Variants in GRHL3 observed in about 807,000 individuals in gnomAD.
GRHL3 encodes grainyhead like transcription factor 3, also known as grainyhead-like protein 3 homolog.
GRHL3 carries 20 observed loss-of-function variants against 70.3 expected under a neutral mutation model. The observed-to-expected ratio is 0.28, with a 90% CI of 0.20 to 0.41. The LOEUF is 0.41. Among genes scored for constraint, GRHL3 ranks in the 10% least tolerant of loss-of-function variants. The pLI is 1.00. For missense variants in GRHL3, 637 were observed against 762.3 expected (o/e 0.84, Z 1.94); for synonymous variants, 299 against 299.9 (o/e 1.00, Z 0.03).
At chr1:24,340,306 T>G (rs1639987851) in intron 8 of GRHL3, among the ~76,000 whole-genome samples, 1 of 152,186 alleles carries the variant, frequency 6.6e-6, no homozygotes, top group Admixed American at 6.5e-5. Context: ...ATCTCACTTC[T>G]CTGAGCCTGT....
intron 1 of GRHL3, among the ~76,000 whole-genome samples, chr1:24,326,700 C>T (rs1639414183): frequency 6.6e-6 from 1 of 152,064 alleles, no homozygotes; most frequent in Admixed American, 6.5e-5. Context: ...TGGATGCCAC[C>T]CAGGTTTATT....
chr1:24,352,105 A>C (rs1471910660), intron 15 of GRHL3, among the ~76,000 whole-genome samples: 1 of 151,886 alleles, frequency 6.6e-6, no homozygotes, highest in East Asian at 1.9e-4. Flanking sequence ...CTTCACAGGC[A>C]CCCCACACAC....
At chr1:24,329,759 A>AT (rs1287504762) in intron 1 of GRHL3, among the ~76,000 whole-genome samples, 1 of 152,202 alleles carries the variant, frequency 6.6e-6, no homozygotes, top group Non-Finnish European at 1.5e-5. Context: ...GCCCATGTAG[A>AT]AAGGGAGGCA....
chr1:24,355,946 G>C (rs1318411890), downstream of GRHL3, among the ~76,000 whole-genome samples: 3 of 150,736 alleles, frequency 2.0e-5, no homozygotes, highest in East Asian at 5.8e-4. Flanking sequence ...TGTCACCCAG[G>C]CTGGAGTGCA....
rs559468506 is a variant in GRHL3 at position 24,340,809 on chromosome 1, C to T, written c.1047+1047C>T. ...GGATTATTATTATTCAGACTGGCAC[C>T]GGGCTGGAGGAGGAGCTGGGGCCTT... On this transcript the variant is annotated intron_variant, in intron 8 of 15. Transcript: ENST00000361548. Among the ~76,000 whole-genome samples, 749 of 152,170 alleles carry T rather than the reference C, an allele frequency of 4.9e-3. 7 individuals are homozygous for T. Among genetic ancestry groups the T allele is most frequent in the African/African-American group, 0.017 (710 of 41,510 alleles).
chr1:24,356,740 A>G (rs1434441425), downstream of GRHL3, among the ~76,000 whole-genome samples: 1 of 152,246 alleles, frequency 6.6e-6, no homozygotes, highest in Non-Finnish European at 1.5e-5. Context: ...AATGCGAGGA[A>G]GGGGCTGCAG....
At chr1:24,335,771 AT>A (rs1348347703) in intron 3 of GRHL3, among the ~76,000 whole-genome samples, 1 of 152,052 alleles carries the variant, frequency 6.6e-6, no homozygotes, top group Non-Finnish European at 1.5e-5. Flanking sequence ...TTTAGTAGAG[AT>A]GGGGTTTCAC....
intron 15 of GRHL3, 52 bp downstream of exon 15, chr1:24,350,174 T>C (rs1640449678): frequency 6.7e-7 from 1 of 1,498,792 alleles, no homozygotes; most frequent in Non-Finnish European, 9.2e-7. Context: ...CTGAGCAATG[T>C]TTGTACTTGG....
Position 24,325,977 on chromosome 1 carries a change from A to G in GRHL3, c.18-5449A>G, listed in dbSNP as rs572320290. ...GCCTGATGCCTTGAGGTACAAGCTC[A>G]GTGGCCTTAGGCAAGCCAGTGGCCC... On this transcript the variant is annotated intron_variant, in intron 1 of 15. Coordinates refer to ENST00000361548, the MANE Select transcript of GRHL3 (RefSeq NM_198173.3). Among the ~76,000 whole-genome samples the G allele has an allele frequency of 1.1e-4, 16 of 152,328 alleles. No individual in the cohort carries two copies. The South Asian group carries it at 2.9e-3, about 28-fold the overall frequency.
intron 1 of GRHL3, among the ~76,000 whole-genome samples, chr1:24,323,926 C>A (rs770828572): frequency 6.6e-6 from 1 of 152,192 alleles, no homozygotes; most frequent in Non-Finnish European, 1.5e-5. Flanking sequence ...GGGCAGGGAC[C>A]GAAAGGGGAC....
chr1:24,322,818 G>A lies in GRHL3; in HGVS notation c.17+3250G>A, dbSNP rs1639252673. Reference sequence around the variant, plus strand: ...TTTATGGAGCGCTGACTCCGCATCTGACATTGTGTCGAGTGCTTGATAAAT... The same window carrying A: ...TTTATGGAGCGCTGACTCCGCATCTAACATTGTGTCGAGTGCTTGATAAAT... On this transcript the variant is annotated intron_variant, in intron 1 of 15. Coordinates refer to ENST00000361548, the MANE Select transcript of GRHL3 (RefSeq NM_198173.3). This position sits in a 1 kb window ranked among gnomAD's most constrained non-coding sequence, Gnocchi z 4.4. 6.6e-6 allele frequency among the ~76,000 whole-genome samples: 1 copy of A among 152,262 alleles called. No homozygotes were observed. Among genetic ancestry groups the A allele is most frequent in the African/African-American group, 2.4e-5 (1 of 41,474 alleles).
At chr1:24,358,625 AG>A, downstream of GRHL3, 1 of 1,610,290 alleles carries the variant, frequency 6.2e-7, no homozygotes, top group Non-Finnish European at 8.5e-7. Context: ...CGTAGCTGTG[AG>A]GGGACAGAGA....
rs769861125 is a variant in GRHL3, at chr1:24,334,647, T to C, written c.207T>C (p.Gly69=). The C allele has an allele frequency of 1.2e-5, 20 of 1,609,914 alleles. No homozygotes were observed. The highest frequency in any genetic ancestry group is 1.4e-5 in the Non-Finnish European group (16 of 1,178,388). The change falls in exon 3 of 16, where the codon GGT becomes GGC. Residue 69 remains glycine (G), a splice_region_variant and synonymous_variant. Transcript: ENST00000361548. The surrounding 1 kb of genome is among the most constrained non-coding windows in gnomAD (Gnocchi z 4.3). ...ATCCTTCCTTTCTCTCTTCTCAGGG[T>C]CCCAAGGAGAAGCGGATATTGTCCT... ...ALSFLYDYYM[G]PKEKRILSSS...
intron 14 of GRHL3, among the ~76,000 whole-genome samples, chr1:24,349,403 G>A (rs570783781): frequency 6.6e-6 from 1 of 152,252 alleles, no homozygotes; most frequent in African/African-American, 2.4e-5. Flanking sequence ...GGCCTAAAAG[G>A]GGGAGATGTC....
chr1:24,331,332 A>G (rs1042706365), intron 1 of GRHL3, 94 bp from the exon 2 acceptor site: 5 of 1,161,320 alleles, frequency 4.3e-6, no homozygotes, highest in African/African-American at 3.1e-5. Flanking sequence ...TTCAAAGCTA[A>G]TAACTCTGAA....
rs1293439865 is a variant in GRHL3 at position 24,342,212 on chromosome 1, G to T, written c.1145G>T (p.Gly382Val). 2.5e-6 allele frequency: 4 copies of T among 1,613,480 alleles called. No individual in the cohort carries two copies. The highest frequency in any genetic ancestry group is 3.4e-6 in the Non-Finnish European group (4 of 1,179,758). The change falls in exon 9 of 16, where the codon GGC becomes GTC. Residue 382 changes from glycine to valine, a missense_variant. Physicochemically the swap from Gly to Val is moderately radical, Grantham distance 109. Around this residue, in one of 2 missense-constraint regions of GRHL3, gnomAD observed 387 missense variants for 513.8 expected, o/e 0.75. Transcript: ENST00000361548. The surrounding 1 kb of genome is among the most constrained non-coding windows in gnomAD (Gnocchi z 4.8). ...CTGCAGATTGACACCTATGACTGTG[G>T]CTTGGGCACTGAGCGCCTGGTACAC... Reference protein sequence around the residue: ...LNLQIDTYDCGLGTERLVHRA... With the variant: ...LNLQIDTYDCVLGTERLVHRA...
chr1:24,344,959 C>A, intron 12 of GRHL3, 28 bp downstream of exon 12: 2 of 1,602,682 alleles, frequency 1.2e-6, no homozygotes, highest in Admixed American at 1.7e-5. Flanking sequence ...CACACGCCTC[C>A]CTCCACACCT....
At chr1:24,346,225 C>A (rs1293998076) in intron 12 of GRHL3, among the ~76,000 whole-genome samples, 4 of 151,906 alleles carry the variant, frequency 2.6e-5, no homozygotes, top group Non-Finnish European at 5.9e-5. Flanking sequence ...TCACAGTGTT[C>A]TAAGCGCAGT....
intron 11 of GRHL3, 102 bp downstream of exon 11, chr1:24,343,127 A>G: frequency 7.2e-7 from 1 of 1,394,528 alleles, no homozygotes; most frequent in Non-Finnish European, 1.0e-6. Flanking sequence ...CCTGCCCCTC[A>G]GCCAGTTTCA....
Sources: allele counts gnomAD v4.1 joint callset (sites outside exome capture counted in the v4.1 genomes callset), GRCh38; gene constraint gnomAD v4.1.1; regional missense constraint gnomAD v4.1.1; non-coding constraint Gnocchi (gnomAD v3.1); transcripts MANE v1.5; gene names NCBI Gene and HGNC (gene_info 2026-07-23, HGNC 2026-07-21).